KDM1A: variants seen among roughly 807,000 people sequenced by gnomAD.
KDM1A encodes the protein lysine demethylase 1A, also known as lysine-specific histone demethylase 1A.
A neutral mutation model predicts 109.4 loss-of-function variants in KDM1A; 49 were observed. The observed-to-expected ratio is 0.45, with a 90% confidence interval of 0.36 to 0.57. KDM1A has a LOEUF of 0.57. Ranked by LOEUF, KDM1A falls within the 20% of genes least tolerant of loss-of-function variation. The pLI, the probability that KDM1A is intolerant of heterozygous loss-of-function variation, is 0.00. For synonymous variants in KDM1A, 380 were observed against 415.4 expected (o/e 0.91, Z 1.04); for missense variants, 668 against 1,116.6 (o/e 0.60, Z 5.73).
chr1:23,031,432 C>T (rs528733998), intron 2 of KDM1A, among the ~76,000 whole-genome samples: 2 of 152,152 alleles, frequency 1.3e-5, no homozygotes, highest in Non-Finnish European at 2.9e-5. Context: ...GCTTCAGACC[C>T]ACACACCTCT....
At chr1:23,020,510 C>T (rs1178572545) in intron 1 of KDM1A, 1 of 150,790 alleles carries the variant, frequency 6.6e-6, no homozygotes, top group African/African-American at 2.4e-5. Flanking sequence ...TTTTAAAATC[C>T]TCTCAGCGAT....
intron 18 of KDM1A, among the ~76,000 whole-genome samples, chr1:23,080,048 T>C (rs1643573279): frequency 6.6e-6 from 1 of 152,244 alleles, no homozygotes; most frequent in Non-Finnish European, 1.5e-5. Flanking sequence ...TATGTGTTTA[T>C]GAAATTCCTA....
At chr1:23,050,363 G>A (rs748807407) in intron 3 of KDM1A, 24 bp from the exon 4 acceptor site, 8 of 1,588,696 alleles carry the variant, frequency 5.0e-6, no homozygotes, top group African/African-American at 4.1e-5. Flanking sequence ...ACTTTTCCTA[G>A]ATGTCCTTTG....
chr1:23,083,483 G>C lies in KDM1A; in HGVS notation c.*119G>C, dbSNP rs1643681872. 4.2e-6 allele frequency: 4 copies of C among 943,944 alleles called. No individual in the cohort carries two copies. In the Admixed American group the frequency reaches 1.2e-4, roughly 27 times the overall value. The allele number at this position is 943,944 out of a possible 1,614,324, so 58.5% of individuals were successfully genotyped here. Reference sequence around the variant, plus strand: ...ACCCTGGCATCTGGGCTCCTGATCAGCTGATGGAGCTCCTGATTTGACAAA... The same window carrying C: ...ACCCTGGCATCTGGGCTCCTGATCACCTGATGGAGCTCCTGATTTGACAAA... On this transcript the variant is annotated 3_prime_UTR_variant, in exon 21 of 21. Transcript: ENST00000400181.
intron 4 of KDM1A, 39 bp from the exon 5 acceptor site, chr1:23,053,722 C>T: frequency 7.7e-7 from 1 of 1,298,086 alleles, no homozygotes. Context: ...TAACATATGT[C>T]TATTTGTATG....
At chr1:23,066,420 C>T (rs972676736) in intron 10 of KDM1A, among the ~76,000 whole-genome samples, 1 of 152,210 alleles carries the variant, frequency 6.6e-6, no homozygotes, top group Non-Finnish European at 1.5e-5. Context: ...ACCCTGGACC[C>T]CAGTTACTGA....
chr1:23,037,390 A>G (rs895187024), intron 2 of KDM1A, among the ~76,000 whole-genome samples: 5 of 152,034 alleles, frequency 3.3e-5, no homozygotes, highest in African/African-American at 9.7e-5. Context: ...ATAGAAATGT[A>G]TAGAAAGTAT....
intron 2 of KDM1A, among the ~76,000 whole-genome samples, chr1:23,031,611 T>TA (rs1291748299): frequency 6.6e-6 from 1 of 152,168 alleles, no homozygotes. Context: ...CCTATGGTGT[T>TA]ACTGTGAATT....
chr1:23,035,893 TCTTA>T (rs1243380847), intron 2 of KDM1A, among the ~76,000 whole-genome samples: 2 of 152,154 alleles, frequency 1.3e-5, no homozygotes, highest in South Asian at 2.1e-4. Flanking sequence ...TTGAAGATTG[TCTTA>T]CTTTAAAAGA....
At chr1:23,022,833 A>G (rs1641681364) in intron 1 of KDM1A, among the ~76,000 whole-genome samples, 1 of 148,496 alleles carries the variant, frequency 6.7e-6, no homozygotes, top group African/African-American at 2.5e-5. Flanking sequence ...CAGTTTTTGT[A>G]TTTTTAGTAG....
intron 19 of KDM1A, chr1:23,081,979 G>T: frequency 2.0e-6 from 1 of 499,074 alleles, no homozygotes; most frequent in East Asian, 3.3e-5. Flanking sequence ...TAAAGGCCAA[G>T]CCCTGTGTAG....
intron 8 of KDM1A, 113 bp from the exon 9 acceptor site, chr1:23,058,960 C>A: frequency 3.8e-6 from 2 of 528,530 alleles, no homozygotes; most frequent in Non-Finnish European, 6.1e-6. Flanking sequence ...GAAATAATTA[C>A]ATACTGTAAG....
At position 23,019,774 on chromosome 1, in the gene KDM1A, C is replaced by A; in HGVS notation, c.178C>A (p.Pro60Thr). 7.3e-7 allele frequency: 1 copy of A among 1,367,020 alleles called. No homozygotes were observed. The highest frequency in any genetic ancestry group is 4.0e-5 in the Admixed American group (1 of 24,800). 84.7% of individuals were successfully genotyped at this position (1,367,020 alleles called of 1,614,324 possible). The change falls in exon 1 of 21, where the codon CCC becomes ACC. Residue 60 changes from proline to threonine, a missense_variant. This residue lies in a region of KDM1A where 156 missense variants were observed against 163.4 expected (regional missense o/e 0.95). Coordinates refer to ENST00000400181, the MANE Select transcript of KDM1A (RefSeq NM_001009999.3). ...VGPGAVGERT[P>T]RKKEPPRASP... ...GCCGGGGGCGGTGGGGGAGCGCACA[C>A]CCCGCAAGAAAGAGCCTCCGCGGGC...
intron 12 of KDM1A, 54 bp downstream of exon 12, chr1:23,069,205 C>T (rs948963603): frequency 5.2e-6 from 6 of 1,161,916 alleles, no homozygotes; most frequent in Middle Eastern, 2.2e-4. Context: ...GAGAAAAAGT[C>T]TTTAGAAATT....
chr1:23,030,543 T>C lies in KDM1A; in HGVS notation c.426T>C (p.Asn142=). 3 of 1,612,474 alleles carry C rather than the reference T, an allele frequency of 1.9e-6. No homozygotes were observed. Among genetic ancestry groups the C allele is most frequent in the Non-Finnish European group, 2.5e-6 (3 of 1,179,582 alleles). ...AGTATTATTCAGAAGAAGAGAGAAA[T>C]GCCAAAGCAGAGAAGGAAAAGAAGC... ...EDEYYSEEER[N]AKAEKEKKLP... Residue 142 remains asparagine, a synonymous_variant, in exon 2 of 21, where the codon AAT becomes AAC. Transcript: ENST00000400181.
At chr1:23,066,033 T>TTC in intron 9 of KDM1A, 27 bp from the exon 10 acceptor site, 1 of 1,606,820 alleles carries the variant, frequency 6.2e-7, no homozygotes, top group Non-Finnish European at 8.5e-7. Context: ...TACAGTTTAT[T>TTC]TCTCTCTCTG....
intron 2 of KDM1A, 164 bp from the exon 3 acceptor site, chr1:23,044,261 CTA>C: frequency 1.6e-6 from 1 of 606,420 alleles, no homozygotes; most frequent in Non-Finnish European, 2.9e-6. Context: ...ATTTGGAAGA[CTA>C]TGATGTAATT....
At chr1:23,074,043 A>G (rs571617348) in intron 15 of KDM1A, among the ~76,000 whole-genome samples, 2 of 152,248 alleles carry the variant, frequency 1.3e-5, no homozygotes, top group African/African-American at 2.4e-5. Context: ...TTATAAATCA[A>G]CTTCCAAACT....
At chr1:23,027,906 A>C (rs978807328) in intron 1 of KDM1A, among the ~76,000 whole-genome samples, 2 of 152,158 alleles carry the variant, frequency 1.3e-5, no homozygotes, top group Non-Finnish European at 2.9e-5. Context: ...AATACATTTA[A>C]AAAATTAAAA....
Sources: allele counts gnomAD v4.1 joint callset (sites outside exome capture counted in the v4.1 genomes callset), GRCh38; gene constraint gnomAD v4.1.1; regional missense constraint gnomAD v4.1.1; transcripts MANE v1.5; gene names NCBI Gene and HGNC (gene_info 2026-07-23, HGNC 2026-07-21).